Variants in IFITM10 observed in about 807,000 individuals in gnomAD.
IFITM10 encodes the protein interferon induced transmembrane protein 10.
In IFITM10, 17 loss-of-function variants were observed where a neutral mutation model predicts 19.0. That is an observed-to-expected ratio of 0.90 (90% CI 0.61 to 1.34). IFITM10 has a LOEUF of 1.34. Ranked by LOEUF, IFITM10 falls within the 40% of genes most tolerant of loss-of-function variation. IFITM10 has a pLI of 0.00. For synonymous variants in IFITM10, 148 were observed against 147.2 expected, an observed-to-expected ratio of 1.01 and a Z score of -0.04; for missense variants, 306 against 319.8, an observed-to-expected ratio of 0.96 and a Z score of 0.33.
chr11:1,747,609 G>A (rs1377688061), intron 2 of IFITM10, 58 bp downstream of exon 2: 1 of 1,471,284 alleles, frequency 6.8e-7, no homozygotes, highest in South Asian at 1.2e-5. Context: ...GCCAGGGACT[G>A]TCCTGCCGGC....
At chr11:1,738,250 C>A (rs1206237512) in intron 2 of IFITM10, among the ~76,000 whole-genome samples, 1 of 152,070 alleles carries the variant, frequency 6.6e-6, no homozygotes, top group Non-Finnish European at 1.5e-5. Context: ...TACAATGGGG[C>A]TACAGTCCAA....
intron 2 of IFITM10, among the ~76,000 whole-genome samples, chr11:1,738,361 G>A (rs979762602): frequency 4.6e-5 from 7 of 152,180 alleles, no homozygotes; most frequent in African/African-American, 1.7e-4. Flanking sequence ...AGTGTACTGG[G>A]TGCCTATGGC....
At chr11:1,739,130 T>C (rs1320051984) in intron 2 of IFITM10, among the ~76,000 whole-genome samples, 1 of 139,212 alleles carries the variant, frequency 7.2e-6, no homozygotes, top group Non-Finnish European at 1.5e-5. Flanking sequence ...GTTACAGGAA[T>C]ATAGGAACGG....
chr11:1,750,260 T>TG (rs1183538986), intron 1 of IFITM10, 99 bp downstream of exon 1: 25 of 1,542,668 alleles, frequency 1.6e-5, no homozygotes, highest in Non-Finnish European at 1.9e-5. Flanking sequence ...ACAGTCCCCA[T>TG]GAGTTCCTCC....
At chr11:1,735,621 G>A (rs1196662280) in intron 2 of IFITM10, among the ~76,000 whole-genome samples, 192 bp from the exon 3 acceptor site, 2 of 152,164 alleles carry the variant, frequency 1.3e-5, no homozygotes, top group Non-Finnish European at 2.9e-5. Context: ...GGATGAACTT[G>A]GGGCACGGGG....
chr11:1,742,803 G>A (rs1322094876), intron 2 of IFITM10, among the ~76,000 whole-genome samples: 1 of 152,198 alleles, frequency 6.6e-6, no homozygotes, highest in Non-Finnish European at 1.5e-5. Context: ...AGGTTGGGTG[G>A]CTATTTGGAG....
intron 2 of IFITM10, among the ~76,000 whole-genome samples, chr11:1,737,388 G>A (rs1269315845): frequency 1.3e-5 from 2 of 152,154 alleles, no homozygotes; most frequent in Admixed American, 1.3e-4. Context: ...TCTACTCCTA[G>A]ACAGCACAGC....
At chr11:1,743,417 G>A (rs1007884304) in intron 2 of IFITM10, among the ~76,000 whole-genome samples, 2 of 151,372 alleles carry the variant, frequency 1.3e-5, no homozygotes, top group East Asian at 2.0e-4. Context: ...GATGGATGGA[G>A]GGTGGATGGA....
chr11:1,746,325 TAC>T (rs200386771), intron 2 of IFITM10: 7,988 of 378,990 alleles, frequency 0.021, 120 homozygotes, highest in Middle Eastern at 0.04. Flanking sequence ...CACTCCTGCC[TAC>T]ACACAGTCAT....
chr11:1,740,686 T>A (rs948492221), intron 2 of IFITM10, among the ~76,000 whole-genome samples: 4 of 152,122 alleles, frequency 2.6e-5, no homozygotes, highest in Middle Eastern at 3.2e-3. Context: ...AGAGATGAGG[T>A]CTAGGGCAGA....
chr11:1,747,261 C>T (rs1845661655), intron 2 of IFITM10, among the ~76,000 whole-genome samples: 1 of 152,098 alleles, frequency 6.6e-6, no homozygotes, highest in Non-Finnish European at 1.5e-5. Context: ...GATTCCAAGC[C>T]CTCTTCAGCC....
In IFITM10 at chr11:1,735,060, G is replaced by A. The variant is rs758012087; in HGVS notation, c.*220C>T. The A allele has an allele frequency of 2.0e-5, 11 of 561,324 alleles. No individual in the cohort carries two copies. The highest frequency in any genetic ancestry group is 3.5e-5 in the Non-Finnish European group (11 of 318,450). 34.8% of individuals were successfully genotyped at this position (561,324 alleles called of 1,614,324 possible). On this transcript the variant is annotated 3_prime_UTR_variant, in exon 3 of 3. Coordinates refer to ENST00000340134, the MANE Select transcript of IFITM10 (RefSeq NM_001170820.4). ...CCCCCAGGCCCCAGACACAGGCAGG[G>A]TGGAGGCCAGGAGGCGGAGGGGGTG... is the stretch of plus-strand genomic sequence containing the variant.
intron 2 of IFITM10, among the ~76,000 whole-genome samples, chr11:1,742,380 G>T (rs1845578017): frequency 6.6e-6 from 1 of 152,142 alleles, no homozygotes; most frequent in Non-Finnish European, 1.5e-5. Flanking sequence ...GGGAAAAGAA[G>T]AACGTGAGAA....
chr11:1,750,506 T>G lies in IFITM10; in HGVS notation c.-64A>C, dbSNP rs1169491338. ...CCTCTGCCACTCTCAACTGGCCTCC[T>G]GTGTCTCCGCAACCCTCTTTCCTGT... On this transcript the variant is annotated 5_prime_UTR_variant, in exon 1 of 3. Coordinates refer to ENST00000340134, the MANE Select transcript of IFITM10 (RefSeq NM_001170820.4). The G allele has an allele frequency of 1.3e-6, 2 of 1,544,072 alleles. No individual in the cohort carries two copies. Among genetic ancestry groups the G allele is most frequent in the Admixed American group, 2.0e-5 (1 of 50,826 alleles).
chr11:1,741,045 G>C (rs979702216), intron 2 of IFITM10, among the ~76,000 whole-genome samples: 1 of 152,092 alleles, frequency 6.6e-6, no homozygotes, highest in African/African-American at 2.4e-5. Flanking sequence ...CCCAGAAGCA[G>C]ATACCAGCAC....
chr11:1,735,620 T>C (rs1001537895), intron 2 of IFITM10, among the ~76,000 whole-genome samples, 191 bp from the exon 3 acceptor site: 6 of 152,266 alleles, frequency 3.9e-5, no homozygotes, highest in Admixed American at 2.0e-4. Flanking sequence ...CGGATGAACT[T>C]GGGGCACGGG....
chr11:1,737,006 A>G (rs2133640650), intron 2 of IFITM10, among the ~76,000 whole-genome samples: 1 of 152,258 alleles, frequency 6.6e-6, no homozygotes, highest in South Asian at 2.1e-4. Flanking sequence ...CAGGGTAAGG[A>G]AGGAGGCAGG....
rs370663599 is a variant in IFITM10 at position 1,747,778 on chromosome 11, C to T, written c.426G>A (p.Glu142=). The T allele has an allele frequency of 1.9e-6, 3 of 1,551,544 alleles. No homozygotes were observed. Among genetic ancestry groups the T allele is most frequent in the African/African-American group, 2.7e-5 (2 of 73,044 alleles). ...KTMTNPTTVI[E]VYPDTTEVND... is the part of the protein sequence containing the mutation. The stretch of plus-strand genomic sequence containing the variant: ...TCACCTCGGTGGTGTCCGGGTAGAC[C>T]TCGATGACGGTCGTGGGGTTGGTCA... Residue 142 remains glutamate, a synonymous_variant, in exon 2 of 3, where the codon GAG becomes GAA. Transcript: ENST00000340134.
chr11:1,737,055 G>A (rs539047070), intron 2 of IFITM10, among the ~76,000 whole-genome samples: 1 of 152,286 alleles, frequency 6.6e-6, no homozygotes, highest in South Asian at 2.1e-4. Context: ...TATGCTAGTG[G>A]TTTTGGAGGA....
Sources: gnomAD v4.1 joint callset for allele counts (sites outside exome capture counted in the v4.1 genomes callset) on GRCh38, gnomAD v4.1.1 for gene constraint, MANE v1.5 for transcripts, NCBI Gene and HGNC (gene_info 2026-07-23, HGNC 2026-07-21) for gene names.